The following FHOD3 variants were observed in gnomAD, a reference collection of about 807,000 sequenced individuals.
FHOD3 encodes formin homology 2 domain containing 3.
In FHOD3, 90 loss-of-function variants were observed where a neutral mutation model predicts 173.0. That is an observed-to-expected ratio of 0.52 (90% CI 0.44 to 0.62). The LOEUF is 0.62. Ranked by LOEUF, FHOD3 falls within the 20% of genes least tolerant of loss-of-function variation. FHOD3 has a pLI of 0.00. For missense variants in FHOD3, 1,945 were observed against 2,034.7 expected, an observed-to-expected ratio of 0.96 and a Z score of 0.85; for synonymous variants, 828 against 823.0, an observed-to-expected ratio of 1.01 and a Z score of -0.10.
At chr18:36,408,198 T>C (rs1452875825) in intron 3 of FHOD3, among the ~76,000 whole-genome samples, 2 of 152,182 alleles carry the variant, frequency 1.3e-5, no homozygotes, top group African/African-American at 4.8e-5. Flanking sequence ...TTGTTAATTA[T>C]TAAGGTCAGC....
chr18:36,409,178 G>C (rs751264858), intron 3 of FHOD3, among the ~76,000 whole-genome samples: 2 of 152,066 alleles, frequency 1.3e-5, no homozygotes, highest in Non-Finnish European at 2.9e-5. Flanking sequence ...TTCTTGGGGG[G>C]GTAATTCTCC....
intron 6 of FHOD3, among the ~76,000 whole-genome samples, chr18:36,577,638 C>A (rs2058704225): frequency 6.6e-6 from 1 of 152,194 alleles, no homozygotes; most frequent in Admixed American, 6.5e-5. Flanking sequence ...TCATTTAATT[C>A]TCATGAGGCC....
At chr18:36,360,996 C>T (rs552035896) in intron 2 of FHOD3, among the ~76,000 whole-genome samples, 12 of 152,180 alleles carry the variant, frequency 7.9e-5, no homozygotes, top group African/African-American at 2.2e-4. Context: ...AAGAAACCAA[C>T]GAAACCCCCA....
chr18:36,314,340 A>T (rs947652855), intron 1 of FHOD3, among the ~76,000 whole-genome samples: 10 of 152,226 alleles, frequency 6.6e-5, no homozygotes, highest in African/African-American at 2.4e-4. Context: ...TCCCCATGGG[A>T]TACAAATCAC....
Position 36,496,815 on chromosome 18 carries a change from A to G in FHOD3, c.338-5117A>G, listed in dbSNP as rs540762204. ...TTCAAGAGAAGGTATCTGTCAAAAA[A>G]TGAAACATCACTGCTAGCCATTTGT... On this transcript the variant is annotated intron_variant, in intron 3 of 28. Coordinates refer to ENST00000590592, the MANE Select transcript of FHOD3 (RefSeq NM_001281740.3). Among the ~76,000 whole-genome samples, 26 of 152,366 alleles carry G rather than the reference A, an allele frequency of 1.7e-4. 1 individual carries two copies. The South Asian group carries it at 4.4e-3, about 26-fold the overall frequency.
intron 1 of FHOD3, among the ~76,000 whole-genome samples, chr18:36,351,351 A>C (rs1367358524): frequency 6.6e-6 from 1 of 152,154 alleles, no homozygotes; most frequent in South Asian, 2.1e-4. Flanking sequence ...GGCAGCCTCT[A>C]TCCTGGAGGG....
At chr18:36,422,226 C>T (rs1314655474) in intron 3 of FHOD3, among the ~76,000 whole-genome samples, 1 of 152,100 alleles carries the variant, frequency 6.6e-6, no homozygotes, top group Non-Finnish European at 1.5e-5. Context: ...GTAATTTACT[C>T]CCTTTTAAAA....
At position 36,779,744 on chromosome 18, in the gene FHOD3, A is replaced by G. The variant is rs938398824; in HGVS notation, c.*214A>G. 3.6e-6 allele frequency: 2 copies of G among 558,750 alleles called. No homozygotes were observed. Among genetic ancestry groups the G allele is most frequent in the African/African-American group, 3.8e-5 (2 of 53,236 alleles). 34.6% of individuals were successfully genotyped at this position (558,750 alleles called of 1,614,324 possible). A position where few individuals can be genotyped will look rare whatever the true frequency, so the allele number is the denominator to read the frequency against. ...CTGCACATACCTTCTCCATCGTGTC[A>G]GCTGTGTTTCTCTTGATTCCGTGAC... On this transcript the variant is annotated 3_prime_UTR_variant, in exon 29 of 29. Transcript: ENST00000590592.
At chr18:36,593,099 G>A (rs2059281939) in intron 6 of FHOD3, among the ~76,000 whole-genome samples, 1 of 152,226 alleles carries the variant, frequency 6.6e-6, no homozygotes, top group Admixed American at 6.5e-5. Context: ...GGAGACTTTG[G>A]TTGCCCAGAG....
intron 2 of FHOD3, among the ~76,000 whole-genome samples, chr18:36,363,295 G>A (rs2046724880): frequency 6.6e-6 from 1 of 152,202 alleles, no homozygotes; most frequent in Non-Finnish European, 1.5e-5. Context: ...GTGCTTCTGG[G>A]TATTTACCCA....
intron 3 of FHOD3, among the ~76,000 whole-genome samples, chr18:36,399,616 G>C (rs755234562): frequency 1.6e-4 from 25 of 152,248 alleles, no homozygotes; most frequent in Non-Finnish European, 2.9e-4. Context: ...GGGGCTCAGG[G>C]CATGCACCTT....
chr18:36,589,771 C>G (rs894252752), intron 6 of FHOD3, among the ~76,000 whole-genome samples: 10 of 152,192 alleles, frequency 6.6e-5, no homozygotes, highest in South Asian at 2.1e-4. Context: ...GATGCTGATG[C>G]TGCCTGCTTG....
chr18:36,566,162 A>G (rs1010999917), intron 5 of FHOD3, among the ~76,000 whole-genome samples: 11 of 152,242 alleles, frequency 7.2e-5, no homozygotes, highest in Non-Finnish European at 4.4e-5. Context: ...TGATTTTGCC[A>G]GGAAGAGATC....
intron 3 of FHOD3, among the ~76,000 whole-genome samples, chr18:36,490,442 T>C (rs2145760852): frequency 6.6e-6 from 1 of 152,236 alleles, no homozygotes; most frequent in South Asian, 2.1e-4. Flanking sequence ...AAGATGAGGA[T>C]GGGGCCAGTG....
chr18:36,375,906 T>C (rs550780557), intron 3 of FHOD3, among the ~76,000 whole-genome samples: 43 of 152,390 alleles, frequency 2.8e-4, no homozygotes, highest in Non-Finnish European at 4.6e-4. Flanking sequence ...GACCACTTGA[T>C]ATTGCAGCGA....
Position 36,780,009 on chromosome 18 carries a change from T to TA in FHOD3, c.*480dup. On this transcript the variant is annotated 3_prime_UTR_variant, in exon 29 of 29. Coordinates refer to ENST00000590592, the MANE Select transcript of FHOD3 (RefSeq NM_001281740.3). ...TGTAACAAATGTTTATACAAATACATACATGTACACCATGTTTCAAATACT... is the reference window on the plus strand; with the variant it reads ...TGTAACAAATGTTTATACAAATACATAACATGTACACCATGTTTCAAATACT... 1 of 565,538 alleles carries TA rather than the reference T, an allele frequency of 1.8e-6. No homozygotes were observed. The highest frequency in any genetic ancestry group is 1.9e-5 in the African/African-American group (1 of 51,782). 35.0% of individuals were successfully genotyped at this position (565,538 alleles called of 1,614,324 possible).
intron 7 of FHOD3, among the ~76,000 whole-genome samples, chr18:36,600,986 C>T (rs936955039): frequency 3.3e-4 from 51 of 152,278 alleles, no homozygotes; most frequent in African/African-American, 1.1e-3. Context: ...ACACAAATGG[C>T]GGCATCCAGA....
chr18:36,320,142 C>T (rs2044321893), intron 1 of FHOD3, among the ~76,000 whole-genome samples: 1 of 151,998 alleles, frequency 6.6e-6, no homozygotes, highest in Non-Finnish European at 1.5e-5. Flanking sequence ...CAGAGCAGAA[C>T]TGAAGGAGAT....
intron 9 of FHOD3, 131 bp downstream of exon 9, chr18:36,612,226 C>T: frequency 1.0e-6 from 1 of 971,134 alleles, no homozygotes; most frequent in Non-Finnish European, 1.5e-6. Flanking sequence ...GCATCGTAGG[C>T]TTCACCCCAG....
Sources: gnomAD v4.1 joint callset for allele counts (sites outside exome capture counted in the v4.1 genomes callset) on GRCh38, gnomAD v4.1.1 for gene constraint, MANE v1.5 for transcripts, NCBI Gene and HGNC (gene_info 2026-07-23, HGNC 2026-07-21) for gene names.